TMEM132D: variants seen among roughly 807,000 people sequenced by gnomAD.
TMEM132D encodes the protein transmembrane protein 132D, also known as mature OL transmembrane protein.
Under a neutral mutation model 62.3 loss-of-function variants are expected in TMEM132D, and 21 were observed. That is an observed-to-expected ratio of 0.34 (90% CI 0.24 to 0.49). TMEM132D has a LOEUF of 0.49. Among genes scored for constraint, TMEM132D ranks in the 20% least tolerant of loss-of-function variants. The probability of loss-of-function intolerance (pLI) is 0.99; values close to 1 mark genes in which losing one functional copy is unlikely to be tolerated. For synonymous variants in TMEM132D, 621 were observed against 575.6 expected (o/e 1.08, Z -1.13); for missense variants, 1,346 against 1,402.8 (o/e 0.96, Z 0.65).
At chr12:129,406,736 T>C (rs1449924223) in intron 3 of TMEM132D, among the ~76,000 whole-genome samples, 1 of 152,196 alleles carries the variant, frequency 6.6e-6, no homozygotes, top group Non-Finnish European at 1.5e-5. Context: ...GTATGCCTCA[T>C]AGGCTATGCC....
chr12:129,798,524 T>A (rs532803166), intron 1 of TMEM132D, among the ~76,000 whole-genome samples: 3 of 152,168 alleles, frequency 2.0e-5, no homozygotes, highest in Admixed American at 6.5e-5. Context: ...GCAAAAAAAA[T>A]TAAGTTAAAT....
At chr12:129,103,469 G>C (rs1272857350) in intron 5 of TMEM132D, among the ~76,000 whole-genome samples, 1 of 151,662 alleles carries the variant, frequency 6.6e-6, no homozygotes, top group East Asian at 1.9e-4. Flanking sequence ...TCCTTGGAGG[G>C]AGCCCCATCC....
At chr12:129,225,733 G>C (rs777390899) in intron 4 of TMEM132D, among the ~76,000 whole-genome samples, 1 of 152,250 alleles carries the variant, frequency 6.6e-6, no homozygotes, top group East Asian at 1.9e-4. Flanking sequence ...ATTCAATTAC[G>C]TTCCTGGCAA....
intron 5 of TMEM132D, among the ~76,000 whole-genome samples, chr12:129,174,944 G>A (rs549102976): frequency 1.3e-5 from 2 of 152,110 alleles, no homozygotes; most frequent in South Asian, 4.2e-4. Context: ...TTCTAAATTT[G>A]TTTAAGTTCC....
chr12:129,200,094 C>G (rs1305244712), intron 5 of TMEM132D, among the ~76,000 whole-genome samples: 1 of 152,150 alleles, frequency 6.6e-6, no homozygotes, highest in Non-Finnish European at 1.5e-5. Flanking sequence ...TTATCTTCCC[C>G]TAACTCTCCC....
intron 4 of TMEM132D, among the ~76,000 whole-genome samples, chr12:129,253,027 C>T (rs1440159019): frequency 1.7e-5 from 2 of 119,042 alleles, no homozygotes; most frequent in Non-Finnish European, 3.2e-5. Context: ...GAACATCACA[C>T]ACTGGGGACT....
intron 4 of TMEM132D, among the ~76,000 whole-genome samples, chr12:129,304,256 G>T (rs1315430867): frequency 6.6e-6 from 1 of 152,126 alleles, no homozygotes; most frequent in Non-Finnish European, 1.5e-5. Flanking sequence ...GCAACACCAT[G>T]CAAAGACCAG....
chr12:129,179,441 T>C (rs1878005588), intron 5 of TMEM132D, among the ~76,000 whole-genome samples: 1 of 152,152 alleles, frequency 6.6e-6, no homozygotes, highest in South Asian at 2.1e-4. Context: ...CCCTGGTGTC[T>C]CTTCTGTGGG....
intron 5 of TMEM132D, among the ~76,000 whole-genome samples, chr12:129,127,872 C>G (rs1038131967): frequency 2.6e-5 from 4 of 152,212 alleles, no homozygotes; most frequent in Admixed American, 6.5e-5. Context: ...GGGCCAGCGG[C>G]CTGCAGACGA....
At chr12:129,722,268 C>T (rs370535127) in intron 1 of TMEM132D, among the ~76,000 whole-genome samples, 4 of 152,298 alleles carry the variant, frequency 2.6e-5, no homozygotes, top group East Asian at 3.9e-4. Flanking sequence ...AGAACCTATC[C>T]GGGTTGGGCC....
chr12:129,560,213 T>C (rs185196422), intron 2 of TMEM132D, among the ~76,000 whole-genome samples: 40 of 152,186 alleles, frequency 2.6e-4, no homozygotes, highest in African/African-American at 9.1e-4. Context: ...ACATTCAACA[T>C]GCATCTTCTT....
At chr12:129,845,784 T>A (rs1566006397) in intron 1 of TMEM132D, among the ~76,000 whole-genome samples, 1 of 152,190 alleles carries the variant, frequency 6.6e-6, no homozygotes, top group Non-Finnish European at 1.5e-5. Context: ...GAGCCAGTGG[T>A]AACTTTTACT....
intron 4 of TMEM132D, among the ~76,000 whole-genome samples, chr12:129,251,507 C>A (rs921443829): frequency 2.0e-5 from 3 of 152,102 alleles, no homozygotes; most frequent in African/African-American, 7.2e-5. Context: ...TTCCTGTTTG[C>A]CTGCAGGCAT....
intron 1 of TMEM132D, among the ~76,000 whole-genome samples, chr12:129,748,032 T>A (rs1869873290): frequency 6.6e-6 from 1 of 152,176 alleles, no homozygotes; most frequent in African/African-American, 2.4e-5. Context: ...AAGACCCTGT[T>A]TTCTGTGCAT....
intron 1 of TMEM132D, among the ~76,000 whole-genome samples, chr12:129,729,914 C>T (rs981269582): frequency 6.6e-6 from 1 of 152,156 alleles, no homozygotes; most frequent in African/African-American, 2.4e-5. Flanking sequence ...TGATAATGTA[C>T]TTTGTGATAT....
chr12:129,387,084 C>T (rs1871126544), intron 3 of TMEM132D, among the ~76,000 whole-genome samples: 1 of 151,862 alleles, frequency 6.6e-6, no homozygotes, highest in Non-Finnish European at 1.5e-5. Context: ...AACACGAACA[C>T]TAACACCAGC....
chr12:129,748,348 C>A (rs1022384358), intron 1 of TMEM132D, among the ~76,000 whole-genome samples: 2 of 152,004 alleles, frequency 1.3e-5, no homozygotes, highest in African/African-American at 4.8e-5. Flanking sequence ...GCAATTTGGA[C>A]GGAGAATGAG....
At chr12:129,159,311 G>A (rs944766867) in intron 5 of TMEM132D, among the ~76,000 whole-genome samples, 2 of 152,148 alleles carry the variant, frequency 1.3e-5, no homozygotes, top group Non-Finnish European at 2.9e-5. Context: ...TCATGTTGAT[G>A]AGCTGTGAAA....
At chr12:129,129,192 C>T (rs1408705297) in intron 5 of TMEM132D, among the ~76,000 whole-genome samples, 2 of 151,934 alleles carry the variant, frequency 1.3e-5, no homozygotes, top group Non-Finnish European at 2.9e-5. Context: ...ATCTTTAATT[C>T]CATGAGTACC....
Sources: allele counts gnomAD v4.1 joint callset (sites outside exome capture counted in the v4.1 genomes callset), GRCh38; gene constraint gnomAD v4.1.1; transcripts MANE v1.5; gene names NCBI Gene and HGNC (gene_info 2026-07-23, HGNC 2026-07-21).